Variants in MAP4K4 observed in about 807,000 individuals in gnomAD.
The protein encoded by MAP4K4 is HPK/GCK-like kinase HGK.
A neutral mutation model predicts 189.6 loss-of-function variants in MAP4K4; 38 were observed. The observed-to-expected ratio is 0.20, with a 90% CI of 0.15 to 0.26. The LOEUF is 0.26. Ranked by LOEUF, MAP4K4 falls within the 10% of genes least tolerant of loss-of-function variation. The probability of loss-of-function intolerance (pLI) is 1.00; values close to 1 mark genes in which losing one functional copy is unlikely to be tolerated. For missense variants in MAP4K4, 1,054 were observed against 1,726.9 expected (o/e 0.61, Z 6.91); for synonymous variants, 610 against 624.3 (o/e 0.98, Z 0.34).
chr2:101,860,307 C>T (rs1032789203), intron 15 of MAP4K4: 7 of 229,694 alleles, frequency 3.0e-5, no homozygotes, highest in East Asian at 1.0e-4. Context: ...GAGTAGGCTG[C>T]GGCAGGGACT....
intron 3 of MAP4K4, among the ~76,000 whole-genome samples, chr2:101,813,618 G>C (rs573382074): frequency 6.6e-6 from 1 of 152,148 alleles, no homozygotes; most frequent in South Asian, 2.1e-4. Context: ...AGGTAATGAC[G>C]TACATAGTTA....
intron 2 of MAP4K4, among the ~76,000 whole-genome samples, chr2:101,787,804 CTT>C (rs750909990): frequency 6.2e-5 from 8 of 128,786 alleles, no homozygotes; most frequent in Admixed American, 7.9e-5. Context: ...TAGAAGTTTG[CTT>C]TTTTTTTTTT....
At chr2:101,824,042 G>T in exon 4 of MAP4K4, 1 of 1,550,538 alleles carries the variant, frequency 6.4e-7, no homozygotes, top group South Asian at 1.1e-5. Flanking sequence ...AGGACATGAT[G>T]ACCAACTCTG....
At chr2:101,776,479 T>C (rs1172922890) in intron 2 of MAP4K4, among the ~76,000 whole-genome samples, 2 of 152,064 alleles carry the variant, frequency 1.3e-5, no homozygotes, top group Non-Finnish European at 2.9e-5. Context: ...CAAATCTGTT[T>C]TTCAAGAGAA....
At chr2:101,834,015 T>G (rs1204856525) in intron 7 of MAP4K4, among the ~76,000 whole-genome samples, 1 of 152,236 alleles carries the variant, frequency 6.6e-6, no homozygotes, top group African/African-American at 2.4e-5. Flanking sequence ...CCAGAAGTCT[T>G]AAGTATTAAA....
At chr2:101,859,227 A>AT in intron 14 of MAP4K4, 145 bp downstream of exon 14, 1 of 633,442 alleles carries the variant, frequency 1.6e-6, no homozygotes. Flanking sequence ...TTGTGGTCCT[A>AT]TTGCTAGCAC....
chr2:101,811,440 G>T (rs1355248658), intron 3 of MAP4K4, among the ~76,000 whole-genome samples: 3 of 148,708 alleles, frequency 2.0e-5, no homozygotes, highest in Non-Finnish European at 4.4e-5. Flanking sequence ...GCTTCATTCT[G>T]TATAGTGTCA....
At chr2:101,828,201 A>G (rs1052268448) in intron 5 of MAP4K4, among the ~76,000 whole-genome samples, 10 of 152,230 alleles carry the variant, frequency 6.6e-5, no homozygotes, top group African/African-American at 2.4e-4. Context: ...GTTGGACAAG[A>G]TGTGGGTGCT....
exon 33 of MAP4K4, chr2:101,893,804 C>T (rs1577600889): frequency 6.5e-6 from 1 of 153,224 alleles, no homozygotes; most frequent in Non-Finnish European, 1.5e-5. Context: ...GGTCTGAGCT[C>T]ACACCGAGTT....
At chr2:101,760,528 ATATGTGTG>A (rs2075866861) in intron 2 of MAP4K4, among the ~76,000 whole-genome samples, 2 of 108,522 alleles carry the variant, frequency 1.8e-5, no homozygotes, top group African/African-American at 4.6e-5. Context: ...ATATATGTAT[ATATGTGTG>A]TGTGTGTGTG....
chr2:101,802,514 G>C (rs1211624675), intron 3 of MAP4K4, among the ~76,000 whole-genome samples: 2 of 151,978 alleles, frequency 1.3e-5, no homozygotes, highest in African/African-American at 4.8e-5. Flanking sequence ...TCTCCACCCT[G>C]CTCGCCTGAT....
At chr2:101,761,142 G>A (rs1025445874) in intron 2 of MAP4K4, among the ~76,000 whole-genome samples, 9 of 152,084 alleles carry the variant, frequency 5.9e-5, no homozygotes, top group African/African-American at 1.2e-4. Flanking sequence ...TATAATAATC[G>A]CAGTTTTAAA....
At chr2:101,892,690 T>C (rs1033746563) in exon 33 of MAP4K4, 4 of 343,112 alleles carry the variant, frequency 1.2e-5, no homozygotes, top group African/African-American at 8.6e-5. Context: ...AGGTGTAATA[T>C]CGAAGTCCTG....
chr2:101,742,600 A>G (rs1289182894), intron 2 of MAP4K4, among the ~76,000 whole-genome samples: 2 of 152,162 alleles, frequency 1.3e-5, no homozygotes, highest in South Asian at 2.1e-4. Context: ...TAAAGCTAGC[A>G]CTGCTTTCCC....
chr2:101,854,403 T>A (rs2149754272), intron 12 of MAP4K4, among the ~76,000 whole-genome samples: 1 of 152,278 alleles, frequency 6.6e-6, no homozygotes, highest in South Asian at 2.1e-4. Context: ...GAGTTTTGTG[T>A]ATTGAATTCG....
intron 9 of MAP4K4, among the ~76,000 whole-genome samples, chr2:101,838,134 C>T (rs1011714946): frequency 1.1e-4 from 17 of 152,146 alleles, no homozygotes; most frequent in Admixed American, 1.0e-3. Context: ...TTAGGAAATA[C>T]GTTGTAGATC....
At chr2:101,756,048 C>G (rs2072567702) in intron 2 of MAP4K4, among the ~76,000 whole-genome samples, 1 of 144,028 alleles carries the variant, frequency 6.9e-6, no homozygotes, top group African/African-American at 2.5e-5. Flanking sequence ...TTACACCATT[C>G]TCCCGCCTCA....
chr2:101,827,607 A>G (rs749498804), intron 5 of MAP4K4, among the ~76,000 whole-genome samples: 5 of 152,168 alleles, frequency 3.3e-5, no homozygotes, highest in Non-Finnish European at 5.9e-5. Flanking sequence ...GACCCTTCGA[A>G]TGGGGAGGGT....
At chr2:101,712,373 T>C (rs956172556) in intron 2 of MAP4K4, among the ~76,000 whole-genome samples, 2 of 152,050 alleles carry the variant, frequency 1.3e-5, no homozygotes, top group African/African-American at 4.8e-5. Context: ...TTTTTGTATT[T>C]TTAGTAGAGA....
Sources: allele counts gnomAD v4.1 joint callset (sites outside exome capture counted in the v4.1 genomes callset), GRCh38; gene constraint gnomAD v4.1.1; transcripts MANE v1.5; gene names NCBI Gene and HGNC (gene_info 2026-07-23, HGNC 2026-07-21).